Variants in DNAH11 observed in about 807,000 individuals in gnomAD.
The protein encoded by DNAH11 is dynein axonemal heavy chain 11, also known as axonemal beta dynein heavy chain 11.
A neutral mutation model predicts 526.0 loss-of-function variants in DNAH11; 442 were observed. The observed-to-expected ratio is 0.84, with a 90% confidence interval of 0.78 to 0.91. The LOEUF is 0.91. Among genes scored for constraint, DNAH11 ranks in the 40% least tolerant of loss-of-function variants. The probability of loss-of-function intolerance (pLI) is 0.00; values close to 1 mark genes in which losing one functional copy is unlikely to be tolerated. For synonymous variants in DNAH11, 2,461 were observed against 1,935.9 expected, an observed-to-expected ratio of 1.27 and a Z score of -7.12; for missense variants, 6,989 against 5,448.7, an observed-to-expected ratio of 1.28 and a Z score of -8.90.
intron 28 of DNAH11, among the ~76,000 whole-genome samples, chr7:21,646,046 C>A (rs1483121932): frequency 6.6e-6 from 1 of 151,782 alleles, no homozygotes; most frequent in African/African-American, 2.4e-5. Flanking sequence ...GCAATGCAAA[C>A]AAAAGACTCA....
chr7:21,730,355 G>T (rs930780135), intron 45 of DNAH11, among the ~76,000 whole-genome samples: 3 of 152,192 alleles, frequency 2.0e-5, no homozygotes, highest in African/African-American at 7.2e-5. Flanking sequence ...CTGGCATGAT[G>T]CTCAAAGGAA....
chr7:21,823,909 T>C (rs933504265), intron 65 of DNAH11, among the ~76,000 whole-genome samples: 1 of 152,180 alleles, frequency 6.6e-6, no homozygotes, highest in Non-Finnish European at 1.5e-5. Flanking sequence ...GGGTGCCTGC[T>C]AAAACCTGAT....
chr7:21,630,216 C>T (rs1200348862), intron 25 of DNAH11, among the ~76,000 whole-genome samples: 1 of 151,900 alleles, frequency 6.6e-6, no homozygotes, highest in Non-Finnish European at 1.5e-5. Flanking sequence ...TTCCTTCCCC[C>T]CACCCCACAT....
chr7:21,546,133 A>C (rs1782795808), intron 2 of DNAH11, among the ~76,000 whole-genome samples: 1 of 152,214 alleles, frequency 6.6e-6, no homozygotes, highest in African/African-American at 2.4e-5. Context: ...TAAGGTAGGA[A>C]AAATGCTGAC....
At position 21,816,643 on chromosome 7, in the gene DNAH11, T is replaced by G. The variant is rs762862270; in HGVS notation, c.10509T>G (p.Ile3503Met). 1 of 1,613,576 alleles carries G rather than the reference T, an allele frequency of 6.2e-7. No homozygotes were observed. Among genetic ancestry groups the G allele is most frequent in the Non-Finnish European group, 8.5e-7 (1 of 1,179,724 alleles). ...PLVIDPQQQG[I>M]KWIKNKYGMD... ...TGATAGATCCCCAGCAACAGGGAAT[T>G]AAGTGGATCAAGAATAAGTATGGAA... is the stretch of plus-strand genomic sequence containing the variant. The change falls in exon 64 of 82, where the codon ATT becomes ATG. Residue 3503 changes from isoleucine to methionine, a missense_variant. Physicochemically the swap from Ile to Met is conservative, Grantham distance 10 (BLOSUM62 1). Transcript: ENST00000409508.
chr7:21,641,090 C>G (rs919378488), intron 28 of DNAH11, among the ~76,000 whole-genome samples: 1 of 152,206 alleles, frequency 6.6e-6, no homozygotes, highest in Non-Finnish European at 1.5e-5. Context: ...CCTCCCATTT[C>G]TTGCTCCTGG....
chr7:21,580,727 G>T (rs1784277161), intron 8 of DNAH11, among the ~76,000 whole-genome samples: 1 of 152,116 alleles, frequency 6.6e-6, no homozygotes, highest in Admixed American at 6.5e-5. Flanking sequence ...ATTCATGAAG[G>T]TCCCACACTT....
At chr7:21,572,357 C>T (rs1783926235) in intron 8 of DNAH11, among the ~76,000 whole-genome samples, 1 of 152,152 alleles carries the variant, frequency 6.6e-6, no homozygotes, top group Admixed American at 6.5e-5. Flanking sequence ...CTTGCTTTCA[C>T]CCCAGTCATT....
intron 66 of DNAH11, among the ~76,000 whole-genome samples, chr7:21,845,287 T>C (rs1177039804): frequency 1.3e-5 from 2 of 152,212 alleles, no homozygotes; most frequent in African/African-American, 4.8e-5. Flanking sequence ...TAAGAAATCA[T>C]TAACTGACAG....
At chr7:21,875,598 C>G (rs1412499617) in intron 74 of DNAH11, among the ~76,000 whole-genome samples, 3 of 152,156 alleles carry the variant, frequency 2.0e-5, no homozygotes, top group African/African-American at 7.2e-5. Context: ...GAGTTCGAGG[C>G]TGCAGTGAGC....
intron 67 of DNAH11, among the ~76,000 whole-genome samples, chr7:21,853,159 G>C (rs889770321): frequency 6.6e-6 from 1 of 152,154 alleles, no homozygotes; most frequent in Admixed American, 6.6e-5. Flanking sequence ...TTATTAAATA[G>C]GCTTCCTGCT....
intron 30 of DNAH11, among the ~76,000 whole-genome samples, chr7:21,665,028 G>C (rs948330326): frequency 1.3e-5 from 2 of 151,910 alleles, no homozygotes; most frequent in Non-Finnish European, 1.5e-5. Context: ...ATACCTCTCT[G>C]CTTTGAGGCT....
chr7:21,853,233 C>T (rs923339377), intron 67 of DNAH11, among the ~76,000 whole-genome samples: 1 of 152,192 alleles, frequency 6.6e-6, no homozygotes, highest in African/African-American at 2.4e-5. Context: ...TCACAGATGA[C>T]CGTTAACCCT....
intron 30 of DNAH11, among the ~76,000 whole-genome samples, chr7:21,674,387 G>A (rs1048936518): frequency 2.0e-5 from 3 of 151,898 alleles, no homozygotes; most frequent in Admixed American, 6.6e-5. Flanking sequence ...TTGAAACAGG[G>A]TCTCGCTCTG....
rs370911248 is a variant in DNAH11, at chr7:21,584,983, G to T, written c.1710+2962G>T. On this transcript the variant is annotated intron_variant, in intron 9 of 81. Transcript: ENST00000409508. ...GTAGAGTGAAATCTCAATTACAGAGGCTCCTGCCATTTTCAATTCAAGTCT... is the reference window on the plus strand; with the variant it reads ...GTAGAGTGAAATCTCAATTACAGAGTCTCCTGCCATTTTCAATTCAAGTCT... Among the ~76,000 whole-genome samples, 43 of 151,974 alleles carry T rather than the reference G, an allele frequency of 2.8e-4. No homozygotes were observed. The East Asian group carries it at 8.1e-3, about 29-fold the overall frequency.
intron 66 of DNAH11, among the ~76,000 whole-genome samples, chr7:21,849,993 A>C (rs1240363396): frequency 6.7e-6 from 1 of 149,292 alleles, no homozygotes; most frequent in African/African-American, 2.5e-5. Flanking sequence ...TTTTTTTTCA[A>C]GTATCTAATG....
intron 66 of DNAH11, among the ~76,000 whole-genome samples, chr7:21,850,937 T>G (rs866274464): frequency 6.6e-6 from 1 of 152,328 alleles, no homozygotes; most frequent in Admixed American, 6.5e-5. Context: ...TAAGGTATTA[T>G]GGAGGGGAAG....
intron 45 of DNAH11, among the ~76,000 whole-genome samples, chr7:21,727,725 C>A (rs1785190697): frequency 6.6e-6 from 1 of 152,130 alleles, no homozygotes; most frequent in Admixed American, 6.6e-5. Context: ...TATTAGGAGG[C>A]AATTAGTGCC....
intron 34 of DNAH11, among the ~76,000 whole-genome samples, chr7:21,690,457 C>T (rs2919229): frequency 6.6e-6 from 1 of 152,122 alleles, no homozygotes; most frequent in African/African-American, 2.4e-5. Context: ...GGTAAAAATG[C>T]CATCACCTCC....
Sources: gnomAD v4.1 joint callset for allele counts (sites outside exome capture counted in the v4.1 genomes callset) on GRCh38, gnomAD v4.1.1 for gene constraint, MANE v1.5 for transcripts, NCBI Gene and HGNC (gene_info 2026-07-23, HGNC 2026-07-21) for gene names.